SELENOI: variants seen among roughly 807,000 people sequenced by gnomAD.
The protein encoded by SELENOI is ethanolaminephosphotransferase 1.
SELENOI carries 24 observed loss-of-function variants against 50.7 expected under a neutral mutation model. That is an observed-to-expected ratio of 0.47 (90% CI 0.34 to 0.67). SELENOI has a LOEUF of 0.67. Ranked by LOEUF, SELENOI falls within the 30% of genes least tolerant of loss-of-function variation. The pLI is 0.01. For synonymous variants in SELENOI, 155 were observed against 170.2 expected, an observed-to-expected ratio of 0.91 and a Z score of 0.70; for missense variants, 352 against 461.4, an observed-to-expected ratio of 0.76 and a Z score of 2.17.
chr2:26,368,401 C>T (rs1028174627), intron 4 of SELENOI, among the ~76,000 whole-genome samples: 9 of 152,200 alleles, frequency 5.9e-5, no homozygotes, highest in South Asian at 4.1e-4. Flanking sequence ...TTTGACAACA[C>T]GCCGTAAGAT....
At position 26,395,169 on chromosome 2, in the gene SELENOI, C is replaced by T. The variant is rs546752819; in HGVS notation, c.*6066C>T. On this transcript the variant is annotated 3_prime_UTR_variant, in exon 10 of 10. Coordinates refer to ENST00000260585, the MANE Select transcript of SELENOI (RefSeq NM_033505.4). Reference sequence around the variant, plus strand: ...TATTTAATATGTACACATATATTCACTACATATGTATGTATGATATATTCA... The same window carrying T: ...TATTTAATATGTACACATATATTCATTACATATGTATGTATGATATATTCA... 6.6e-6 allele frequency: 1 copy of T among 152,286 alleles called. No individual in the cohort carries two copies. The highest frequency in any genetic ancestry group is 2.4e-5 in the African/African-American group (1 of 41,550). 9.4% of individuals were successfully genotyped at this position (152,286 alleles called of 1,614,324 possible).
chr2:26,385,125 T>G lies in SELENOI; in HGVS notation c.898T>G (p.Phe300Val). ...ATTCTACTTTATGGTTGGAACAGCT[T>G]TTGCCAACAGTACAGTAAGATTTTT... is the stretch of plus-strand genomic sequence containing the variant. ...RVFYFMVGTA[F>V]ANSTCQLIVC... is the part of the protein sequence containing the mutation. Residue 300 changes from phenylalanine (F) to valine (V), a missense_variant, in exon 8 of 10, where the codon TTT (phenylalanine) becomes GTT (valine). Transcript: ENST00000260585. The G allele has an allele frequency of 6.4e-7, 1 of 1,574,510 alleles. No individual in the cohort carries two copies. The highest frequency in any genetic ancestry group is 8.6e-7 in the Non-Finnish European group (1 of 1,161,794).
At position 26,364,977 on chromosome 2, in the gene SELENOI, AG is replaced by A. The variant is rs777494383; in HGVS notation, c.235+38del. ...ACTTTATTATAAAATTTAACTGAGT[AG>A]AAAAAAATGAAATGTGGATGCTTAT... On this transcript the variant is annotated intron_variant, in intron 3 of 9. Transcript: ENST00000260585. 2.8e-6 allele frequency: 4 copies of A among 1,420,516 alleles called. No homozygotes were observed. In the South Asian group the frequency reaches 5.5e-5, roughly 20 times the overall value. 88.0% of individuals were successfully genotyped at this position (1,420,516 alleles called of 1,614,324 possible).
intron 4 of SELENOI, among the ~76,000 whole-genome samples, chr2:26,370,856 C>T (rs1381847250): frequency 4.5e-5 from 6 of 132,954 alleles, no homozygotes; most frequent in African/African-American, 1.4e-4. Flanking sequence ...CCCTCCCGGA[C>T]GGGGCGGCTG....
intron 7 of SELENOI, 68 bp from the exon 8 acceptor site, chr2:26,384,891 C>A: frequency 1.9e-6 from 2 of 1,078,946 alleles, no homozygotes; most frequent in East Asian, 2.7e-5. Context: ...AAACTATAAA[C>A]TACAGTACAA....
chr2:26,350,744 G>A (rs900782415), intron 1 of SELENOI, among the ~76,000 whole-genome samples: 2 of 152,190 alleles, frequency 1.3e-5, no homozygotes, highest in Admixed American at 1.3e-4. Flanking sequence ...CTTCCAGGGA[G>A]TGGGAGCTAG....
Position 26,383,300 on chromosome 2 carries a change from T to G in SELENOI, c.684T>G (p.Gly228=). The change falls in exon 7 of 10, where the codon GGT becomes GGG. Residue 228 remains glycine, a splice_region_variant and synonymous_variant. Transcript: ENST00000260585. The part of the protein sequence containing the change: ...YRDLFTAMII[G]CALCVTLPMS... ...TAATTGAATAATTATTCCCTTTAGGTTGTGCATTATGTGTGACTCTTCCAA... is the reference window on the plus strand; with the variant it reads ...TAATTGAATAATTATTCCCTTTAGGGTGTGCATTATGTGTGACTCTTCCAA... 1.3e-6 allele frequency: 2 copies of G among 1,534,472 alleles called. No individual in the cohort carries two copies. The highest frequency in any genetic ancestry group is 1.8e-6 in the Non-Finnish European group (2 of 1,129,680).
At chr2:26,371,414 G>A (rs1352891628) in intron 4 of SELENOI, among the ~76,000 whole-genome samples, 1 of 152,174 alleles carries the variant, frequency 6.6e-6, no homozygotes, top group Non-Finnish European at 1.5e-5. Context: ...CTTCCTAGAT[G>A]TGATGGCGGC....
intron 1 of SELENOI, 62 bp downstream of exon 1, chr2:26,346,351 C>A: frequency 1.9e-6 from 3 of 1,539,158 alleles, no homozygotes; most frequent in Admixed American, 1.9e-5. Context: ...GGCTGAGGGG[C>A]CCGCGCGGCG....
At chr2:26,383,964 C>T (rs1274552622) in intron 7 of SELENOI, among the ~76,000 whole-genome samples, 1 of 152,094 alleles carries the variant, frequency 6.6e-6, no homozygotes, top group Non-Finnish European at 1.5e-5. Flanking sequence ...CTTAAATAGC[C>T]CTTATATAGA....
chr2:26,362,640 C>T (rs1197102829), intron 1 of SELENOI, among the ~76,000 whole-genome samples: 1 of 151,982 alleles, frequency 6.6e-6, no homozygotes, highest in African/African-American at 2.4e-5. Context: ...CCTCTAATCC[C>T]AGCTACTCGG....
At chr2:26,387,026 G>T (rs1677857607) in intron 9 of SELENOI, among the ~76,000 whole-genome samples, 1 of 152,190 alleles carries the variant, frequency 6.6e-6, no homozygotes, top group Non-Finnish European at 1.5e-5. Flanking sequence ...TGGTGAGGGA[G>T]ATTAGAATTT....
chr2:26,357,905 G>T (rs1677097599), intron 1 of SELENOI, among the ~76,000 whole-genome samples: 1 of 152,096 alleles, frequency 6.6e-6, no homozygotes, highest in Non-Finnish European at 1.5e-5. Flanking sequence ...TGAACCATGG[G>T]GGCGGTTTCC....
chr2:26,371,215 C>G (rs1677433863), intron 4 of SELENOI, among the ~76,000 whole-genome samples: 1 of 151,154 alleles, frequency 6.6e-6, no homozygotes, highest in South Asian at 2.1e-4. Flanking sequence ...TCCTCACTTC[C>G]CAGACGGGGT....
Position 26,371,297 on chromosome 2 carries a change from C to T in SELENOI, c.311-2070C>T, listed in dbSNP as rs1478861275. On this transcript the variant is annotated intron_variant, in intron 4 of 9. Transcript: ENST00000260585. ...GCAGAGACGCTCCTCACCTCCCAGA[C>T]GGGGTGGCGGCCGGGCAGAGGCGCT... 2.0e-5 allele frequency among the ~76,000 whole-genome samples: 3 copies of T among 147,920 alleles called. No homozygotes were observed. The South Asian group carries it at 6.5e-4, about 32-fold the overall frequency.
Position 26,394,895 on chromosome 2 carries a change from T to C in SELENOI, c.*5792T>C, listed in dbSNP as rs1330737674. 1.3e-5 allele frequency: 2 copies of C among 152,228 alleles called. No homozygotes were observed. The highest frequency in any genetic ancestry group is 2.9e-5 in the Non-Finnish European group (2 of 68,044). The allele number at this position is 152,228 out of a possible 1,614,324, so 9.4% of individuals were successfully genotyped here. A position where few individuals can be genotyped will look rare whatever the true frequency, so the allele number is the denominator to read the frequency against. On this transcript the variant is annotated 3_prime_UTR_variant, in exon 10 of 10. Transcript: ENST00000260585. This position sits in a 1 kb window ranked among gnomAD's most constrained non-coding sequence, Gnocchi z 4.1. ...ATTGTTTAGCTTGGTCCTGTTGCAG[T>C]TGGCTTTCTGTAGTGTTCTGAAACA...
chr2:26,368,316 G>C (rs984003112), intron 4 of SELENOI, among the ~76,000 whole-genome samples: 5 of 152,218 alleles, frequency 3.3e-5, no homozygotes, highest in African/African-American at 9.7e-5. Flanking sequence ...GTCTTTAAGT[G>C]CTGCTGAAGG....
At chr2:26,346,572 CTTA>C (rs907288122) in intron 1 of SELENOI, 5 of 308,426 alleles carry the variant, frequency 1.6e-5, no homozygotes, top group African/African-American at 1.1e-4. Flanking sequence ...TTTTTTTAAA[CTTA>C]TTATTTTCGT....
chr2:26,371,390 A>AGGCG (rs1677441728), intron 4 of SELENOI, among the ~76,000 whole-genome samples: 1 of 151,720 alleles, frequency 6.6e-6, no homozygotes, highest in Non-Finnish European at 1.5e-5. Context: ...GCAGCCGGGC[A>AGGCG]GAGACGCTCC....
Sources: allele counts gnomAD v4.1 joint callset (sites outside exome capture counted in the v4.1 genomes callset), GRCh38; gene constraint gnomAD v4.1.1; non-coding constraint Gnocchi (gnomAD v3.1); transcripts MANE v1.5; gene names NCBI Gene and HGNC (gene_info 2026-07-23, HGNC 2026-07-21).